The following TRPV1 variants were observed in gnomAD, a reference collection of about 807,000 sequenced individuals.
TRPV1 encodes the protein OTRPC1.
TRPV1 carries 82 observed loss-of-function variants against 82.3 expected under a neutral mutation model. The ratio of observed to expected loss-of-function variants is 1.00; its 90% CI spans 0.83 to 1.20. The LOEUF (loss-of-function observed/expected upper bound fraction) is 1.20, where lower values mean the gene tolerates loss of function less well. Among genes scored for constraint, TRPV1 ranks in the 50% most tolerant of loss-of-function variants. The pLI is 0.00. For missense variants in TRPV1, 1,067 were observed against 1,096.8 expected, an observed-to-expected ratio of 0.97 and a Z score of 0.38; for synonymous variants, 515 against 467.7, an observed-to-expected ratio of 1.10 and a Z score of -1.30.
chr17:3,605,418 G>A (rs1050828912), intron 2 of TRPV1, among the ~76,000 whole-genome samples: 1 of 152,048 alleles, frequency 6.6e-6, no homozygotes, highest in African/African-American at 2.4e-5. Context: ...GCTGAGGCAT[G>A]AGAATTGCTG....
At chr17:3,607,420 C>G (rs2075303072) in intron 2 of TRPV1, among the ~76,000 whole-genome samples, 1 of 152,040 alleles carries the variant, frequency 6.6e-6, no homozygotes, top group Non-Finnish European at 1.5e-5. Context: ...TGCCTGAAAC[C>G]AAGGCTAGTA....
chr17:3,580,833 A>G (rs2074999581), intron 10 of TRPV1, among the ~76,000 whole-genome samples: 1 of 152,150 alleles, frequency 6.6e-6, no homozygotes. Flanking sequence ...CCTGGCCAAC[A>G]TGGTGAAATC....
rs745595843 is a variant in TRPV1 at position 3,566,881 on chromosome 17, A to G, written c.2454T>C (p.Phe818=). 2.5e-6 allele frequency: 4 copies of G among 1,614,024 alleles called. No individual in the cohort carries two copies. In the Admixed American group the frequency reaches 6.7e-5, roughly 27 times the overall value. Residue 818 remains phenylalanine (F), a synonymous_variant, in exon 17 of 17, where the codon TTT becomes TTC. Transcript: ENST00000572705. ...AQPEEVYLRQ[F]SGSLKPEDAE... ...CGTCCTCTGGCTTCAGAGACCCTGA[A>G]AACTGTCGCAGATAAACTTCCTCGG...
At chr17:3,583,471 C>G (rs753147138) in intron 9 of TRPV1, 41 bp from the exon 10 acceptor site, 3 of 1,477,966 alleles carry the variant, frequency 2.0e-6, no homozygotes, top group East Asian at 4.8e-5. Flanking sequence ...TTTACTCATT[C>G]GTTCATTCAA....
intron 10 of TRPV1, among the ~76,000 whole-genome samples, chr17:3,580,909 C>T (rs1479555052): frequency 1.3e-5 from 2 of 151,898 alleles, no homozygotes; most frequent in Admixed American, 1.3e-4. Flanking sequence ...ATCCCAGCTA[C>T]TCATGAGGCT....
rs919178597 is a variant in TRPV1, at chr17:3,608,455, G to C, written c.-62C>G. 1.3e-5 allele frequency: 2 copies of C among 152,036 alleles called. No individual in the cohort carries two copies. The highest frequency in any genetic ancestry group is 2.9e-5 in the Non-Finnish European group (2 of 68,006). 9.4% of individuals were successfully genotyped at this position (152,036 alleles called of 1,614,324 possible). Reference sequence around the variant, plus strand: ...AACAGAAGCACTGTGATACCAGGACGGGCGATCTGACGACTAAGTGACTGA... The same window carrying C: ...AACAGAAGCACTGTGATACCAGGACCGGCGATCTGACGACTAAGTGACTGA... On this transcript the variant is annotated 5_prime_UTR_variant, in exon 2 of 17. Transcript: ENST00000572705.
chr17:3,576,512 C>T (rs1255540008), intron 13 of TRPV1, among the ~76,000 whole-genome samples: 2 of 150,820 alleles, frequency 1.3e-5, no homozygotes, highest in African/African-American at 2.4e-5. Context: ...ATTAGCCAGG[C>T]GTGGTAGCAG....
intron 11 of TRPV1, chr17:3,578,910 C>CA (rs2074970140): frequency 6.6e-6 from 1 of 152,148 alleles, no homozygotes; most frequent in African/African-American, 2.4e-5. Flanking sequence ...TTATCCTAAG[C>CA]AAATTAACAC....
Position 3,566,576 on chromosome 17 carries a change from A to G in TRPV1, c.*239T>C. The G allele has an allele frequency of 2.2e-6, 1 of 463,202 alleles. No individual in the cohort carries two copies. The highest frequency in any genetic ancestry group is 3.8e-6 in the Non-Finnish European group (1 of 262,446). The allele number at this position is 463,202 out of a possible 1,614,324, so 28.7% of individuals were successfully genotyped here. The stretch of plus-strand genomic sequence containing the variant: ...ACCATCCAAACTGTTTAGTAAAGTG[A>G]GTAAAAACCTGAAAGTCTGTTAGGA... On this transcript the variant is annotated 3_prime_UTR_variant, in exon 17 of 17. Coordinates refer to ENST00000572705, the MANE Select transcript of TRPV1 (RefSeq NM_080704.4).
Position 3,573,892 on chromosome 17 carries a change from C to T in TRPV1, c.1844G>A (p.Arg615Lys). The change falls in exon 14 of 17, where the codon AGG becomes AAG. Residue 615 changes from arginine to lysine, a missense_variant. Coordinates refer to ENST00000572705, the MANE Select transcript of TRPV1 (RefSeq NM_080704.4). ...GGGCCTGCAGGCAGGCCCCCGCCAC[C>T]TGTGCGACGTGGACTCAGACGGCAG... is the stretch of plus-strand genomic sequence containing the variant. ...DSLPSESTSH[R>K]WRGPACRPPD... 1 of 1,611,746 alleles carries T rather than the reference C, an allele frequency of 6.2e-7. No individual in the cohort carries two copies.
chr17:3,577,216 A>G (rs1272522169), intron 12 of TRPV1, 24 bp from the exon 13 acceptor site: 1 of 1,567,518 alleles, frequency 6.4e-7, no homozygotes, highest in Admixed American at 1.9e-5. Context: ...CAGGCTCATC[A>G]GAGCCGAGGC....
chr17:3,581,394 A>G (rs1404405280), intron 10 of TRPV1, among the ~76,000 whole-genome samples: 2 of 152,162 alleles, frequency 1.3e-5, no homozygotes, highest in African/African-American at 2.4e-5. Flanking sequence ...TCCCTCCCAC[A>G]GGCCAATCCT....
At position 3,583,386 on chromosome 17, in the gene TRPV1, A is replaced by G. The variant is rs201874993; in HGVS notation, c.1428T>C (p.Thr476=). 31 of 1,610,340 alleles carry G rather than the reference A, an allele frequency of 1.9e-5. No individual in the cohort carries two copies. In the Admixed American group the frequency reaches 2.5e-4, roughly 13 times the overall value. Residue 476 remains threonine (T), a synonymous_variant, in exon 10 of 17, where the codon ACT becomes ACC. Transcript: ENST00000572705. Reference sequence around the variant, plus strand: ...CTCCTAACACAGACAGGATCTCTCCAGTAACTCGGAAATAGTCTCCAGTTT... The same window carrying G: ...CTCCTAACACAGACAGGATCTCTCCGGTAACTCGGAAATAGTCTCCAGTTT... ...MEKTGDYFRV[T]GEILSVLGGV...
rs548487737 is a variant in TRPV1 at position 3,579,976 on chromosome 17, A to T, written c.1547+481T>A. Among the ~76,000 whole-genome samples the T allele has an allele frequency of 1.2e-4, 19 of 152,224 alleles. No individual in the cohort carries two copies. In the East Asian group the frequency reaches 3.7e-3, roughly 29 times the overall value. On this transcript the variant is annotated intron_variant, in intron 11 of 16. Transcript: ENST00000572705. The stretch of plus-strand genomic sequence containing the variant: ...GATGGGGAAGCTCCAGGCAGCTGCG[A>T]GTAGAGGCCGGTGATGCTGCTATAT...
Position 3,594,127 on chromosome 17 carries a change from C to CAAAAA in TRPV1, c.-33-1749_-33-1745dup, listed in dbSNP as rs57620622. 8.2e-4 allele frequency among the ~76,000 whole-genome samples: 38 copies of CAAAAA among 46,474 alleles called. 1 individual carries two copies. Among genetic ancestry groups the CAAAAA allele is most frequent in the African/African-American group, 1.0e-3 (6 of 5,812 alleles). The allele number at this position is 46,474 out of a possible 152,430, so 30.5% of individuals were successfully genotyped here. A position where few individuals can be genotyped will look rare whatever the true frequency, so the allele number is the denominator to read the frequency against. ...TGGGCAACAGAGTGAAACTCTGTCT[C>CAAAAA]AAAAAAAAAAAAAAAAAAAAAAAAA... is the stretch of plus-strand genomic sequence containing the variant. On this transcript the variant is annotated intron_variant, in intron 2 of 16. Transcript: ENST00000572705.
At chr17:3,599,445 C>T (rs2150857444) in intron 2 of TRPV1, among the ~76,000 whole-genome samples, 1 of 152,152 alleles carries the variant, frequency 6.6e-6, no homozygotes, top group East Asian at 1.9e-4. Flanking sequence ...CCTTCCCGAC[C>T]CCAACCCCCT....
chr17:3,566,990 G>A lies in TRPV1; in HGVS notation c.2348-3C>T. Reference sequence around the variant, plus strand: ...GTTCTTCCAGTGTCTGCCTGAAACTGAAGGGTAACACTATTACTACCTTGG... The same window carrying A: ...GTTCTTCCAGTGTCTGCCTGAAACTAAAGGGTAACACTATTACTACCTTGG... On this transcript the variant is annotated splice_polypyrimidine_tract_variant and splice_region_variant and intron_variant, in intron 16 of 16. Coordinates refer to ENST00000572705, the MANE Select transcript of TRPV1 (RefSeq NM_080704.4). The A allele has an allele frequency of 6.2e-7, 1 of 1,613,660 alleles. No homozygotes were observed. The highest frequency in any genetic ancestry group is 8.5e-7 in the Non-Finnish European group (1 of 1,179,762).
intron 14 of TRPV1, among the ~76,000 whole-genome samples, chr17:3,573,391 G>C (rs1321910819): frequency 6.6e-6 from 1 of 152,166 alleles, no homozygotes; most frequent in African/African-American, 2.4e-5. Flanking sequence ...GAACTTGCTG[G>C]AAGTCCACTG....
At chr17:3,572,505 G>C (rs979430044) in intron 14 of TRPV1, among the ~76,000 whole-genome samples, 1 of 152,308 alleles carries the variant, frequency 6.6e-6, no homozygotes, top group Admixed American at 6.5e-5. Flanking sequence ...GCAGCCCCGG[G>C]AGTGATACGG....
Sources: gnomAD v4.1 joint callset for allele counts (sites outside exome capture counted in the v4.1 genomes callset) on GRCh38, gnomAD v4.1.1 for gene constraint, MANE v1.5 for transcripts, NCBI Gene and HGNC (gene_info 2026-07-23, HGNC 2026-07-21) for gene names.